The following PLPP4 variants were observed in gnomAD, a reference collection of about 807,000 sequenced individuals.
PLPP4 encodes phospholipid phosphatase 4, also known as diacylglycerol pyrophosphate like 2.
A neutral mutation model predicts 32.2 loss-of-function variants in PLPP4; 20 were observed. That is an observed-to-expected ratio of 0.62 (90% CI 0.44 to 0.90). The LOEUF (loss-of-function observed/expected upper bound fraction) is 0.90. Among genes scored for constraint, PLPP4 ranks in the 40% least tolerant of loss-of-function variants. The probability of loss-of-function intolerance (pLI) is 0.00; values close to 1 mark genes in which losing one functional copy is unlikely to be tolerated. For synonymous variants in PLPP4, 127 were observed against 133.0 expected (o/e 0.95, Z 0.31); for missense variants, 257 against 353.1 (o/e 0.73, Z 2.18).
intron 5 of PLPP4, among the ~76,000 whole-genome samples, chr10:120,553,212 GA>G (rs1167011551): frequency 2.0e-5 from 3 of 152,216 alleles, no homozygotes; most frequent in African/African-American, 4.8e-5. Flanking sequence ...CAGTTGTCAT[GA>G]TGTGAATGTG....
chr10:120,516,780 T>C (rs1845951834), intron 3 of PLPP4, among the ~76,000 whole-genome samples: 1 of 152,198 alleles, frequency 6.6e-6, no homozygotes, highest in Non-Finnish European at 1.5e-5. Flanking sequence ...TTTTCCTGTT[T>C]GTCCAGCCTT....
At chr10:120,466,840 G>A (rs1848344716) in intron 1 of PLPP4, among the ~76,000 whole-genome samples, 1 of 152,132 alleles carries the variant, frequency 6.6e-6, no homozygotes, top group Admixed American at 6.5e-5. Flanking sequence ...GATGGCATGT[G>A]TTAGGTGCTA....
chr10:120,586,995 C>G (rs1269043774), intron 6 of PLPP4, among the ~76,000 whole-genome samples: 1 of 151,768 alleles, frequency 6.6e-6, no homozygotes, highest in Non-Finnish European at 1.5e-5. Context: ...ACATTGAGCC[C>G]TGAAATATGA....
chr10:120,457,586 A>G (rs11199348), intron 1 of PLPP4, among the ~76,000 whole-genome samples: 36,893 of 151,994 alleles, frequency 0.24, 4,798 homozygotes, highest in South Asian at 0.43. Context: ...GCCGAGGCTG[A>G]GACCTGCTCC....
At chr10:120,522,290 G>A (rs1846187673) in intron 5 of PLPP4, among the ~76,000 whole-genome samples, 1 of 152,178 alleles carries the variant, frequency 6.6e-6, no homozygotes, top group African/African-American at 2.4e-5. Flanking sequence ...GGGACTGTCT[G>A]TTGAACATGT....
intron 5 of PLPP4, among the ~76,000 whole-genome samples, chr10:120,554,464 T>G (rs576136715): frequency 1.1e-4 from 17 of 152,314 alleles, no homozygotes; most frequent in African/African-American, 4.1e-4. Context: ...CCCTCCAAAC[T>G]GTTCCAACCT....
At chr10:120,586,418 T>C (rs1292805647) in intron 6 of PLPP4, among the ~76,000 whole-genome samples, 1 of 151,844 alleles carries the variant, frequency 6.6e-6, no homozygotes, top group Non-Finnish European at 1.5e-5. Flanking sequence ...TGCTAGGGGA[T>C]ATGACCTATT....
At chr10:120,504,870 A>G (rs1303114478) in intron 2 of PLPP4, among the ~76,000 whole-genome samples, 1 of 152,210 alleles carries the variant, frequency 6.6e-6, no homozygotes, top group East Asian at 1.9e-4. Flanking sequence ...CACTAATAAG[A>G]CTACCCTGTG....
chr10:120,559,071 A>G (rs1231097209), intron 5 of PLPP4, among the ~76,000 whole-genome samples: 1 of 152,174 alleles, frequency 6.6e-6, no homozygotes, highest in African/African-American at 2.4e-5. Context: ...AGCTCCTGGT[A>G]GTTGTGATAT....
chr10:120,489,258 T>C (rs1386636578), intron 1 of PLPP4, among the ~76,000 whole-genome samples: 4 of 152,162 alleles, frequency 2.6e-5, no homozygotes, highest in East Asian at 1.9e-4. Flanking sequence ...ATAGCGGTGG[T>C]GGACAGGGAC....
chr10:120,578,683 A>G (rs574287432), intron 6 of PLPP4, among the ~76,000 whole-genome samples: 19 of 152,136 alleles, frequency 1.2e-4, no homozygotes, highest in Non-Finnish European at 2.1e-4. Flanking sequence ...ATACAAATCT[A>G]TTGTTTTATT....
At chr10:120,529,800 G>A (rs1332903779) in intron 5 of PLPP4, among the ~76,000 whole-genome samples, 1 of 152,154 alleles carries the variant, frequency 6.6e-6, no homozygotes, top group African/African-American at 2.4e-5. Flanking sequence ...ACAAAAAAAT[G>A]TTTTAAAAAG....
intron 1 of PLPP4, among the ~76,000 whole-genome samples, chr10:120,489,312 C>A (rs1025053823): frequency 4.6e-5 from 7 of 152,170 alleles, no homozygotes; most frequent in Non-Finnish European, 1.0e-4. Context: ...TCTTAATGAA[C>A]CACTTGGCGA....
Position 120,589,402 on chromosome 10 carries a change from T to A in PLPP4, c.716T>A (p.Val239Asp). The A allele has an allele frequency of 1.2e-6, 2 of 1,614,136 alleles. No homozygotes were observed. Among genetic ancestry groups the A allele is most frequent in the Non-Finnish European group, 1.7e-6 (2 of 1,180,022 alleles). ...AACACAGCTTGCCATAAACCCTACG[T>A]TAGTCTGCGAGTCCCAGCCTCACTG... ...LANTACHKPYVSLRVPASLKK... is the reference protein window; with the variant it reads ...LANTACHKPYDSLRVPASLKK... Residue 239 changes from valine (V) to aspartate (D), a missense_variant, in exon 7 of 7, where the codon GTT becomes GAT. Coordinates refer to ENST00000398250, the MANE Select transcript of PLPP4 (RefSeq NM_001030059.3).
At position 120,575,237 on chromosome 10, in the gene PLPP4, G is replaced by A. The variant is rs1849162651; in HGVS notation, c.552G>A (p.Leu184=). Residue 184 remains leucine, a synonymous_variant, in exon 6 of 7, where the codon CTG becomes CTA. Transcript: ENST00000398250. ...GKSWRLCAAI[L]PLYCAMMIAL... is the part of the protein sequence containing the mutation. ...GCTGGCGGCTCTGTGCTGCCATCCT[G>A]CCCTTGTACTGCGCCATGATGATTG... 1 of 1,614,116 alleles carries A rather than the reference G, an allele frequency of 6.2e-7. No individual in the cohort carries two copies. The highest frequency in any genetic ancestry group is 8.5e-7 in the Non-Finnish European group (1 of 1,180,034).
intron 1 of PLPP4, among the ~76,000 whole-genome samples, chr10:120,478,336 T>A (rs1263161826): frequency 6.6e-6 from 1 of 152,192 alleles, no homozygotes; most frequent in African/African-American, 2.4e-5. Context: ...ACTTGGCACA[T>A]CTTCCAGGAA....
intron 1 of PLPP4, among the ~76,000 whole-genome samples, chr10:120,471,782 C>A (rs79291508): frequency 0.041 from 6,183 of 152,032 alleles, 188 homozygotes; most frequent in South Asian, 0.11. Context: ...TCACCTTTTA[C>A]TATTTGTTGC....
chr10:120,520,904 G>T, intron 4 of PLPP4, 67 bp from the exon 5 acceptor site: 1 of 1,590,990 alleles, frequency 6.3e-7, no homozygotes, highest in South Asian at 1.1e-5. Flanking sequence ...GGAGTTGGGG[G>T]GGTCAGCTTG....
chr10:120,552,577 T>C (rs1414242528), intron 5 of PLPP4, among the ~76,000 whole-genome samples: 1 of 152,260 alleles, frequency 6.6e-6, no homozygotes, highest in Non-Finnish European at 1.5e-5. Context: ...GTGTTTCACA[T>C]GCACATACTT....
Sources: allele counts gnomAD v4.1 joint callset (sites outside exome capture counted in the v4.1 genomes callset), GRCh38; gene constraint gnomAD v4.1.1; transcripts MANE v1.5; gene names NCBI Gene and HGNC (gene_info 2026-07-23, HGNC 2026-07-21).